The following SMARCD2 variants were observed in gnomAD, a reference collection of about 807,000 sequenced individuals.
The protein encoded by SMARCD2 is SWI/SNF-related matrix-associated actin-dependent regulator of chromatin subfamily D member 2.
A neutral mutation model predicts 70.4 loss-of-function variants in SMARCD2; 39 were observed. That is an observed-to-expected ratio of 0.55 (90% CI 0.43 to 0.72). SMARCD2 has a LOEUF of 0.72. Ranked by LOEUF, SMARCD2 falls within the 30% of genes least tolerant of loss-of-function variation. The probability of loss-of-function intolerance (pLI) is 0.00; values close to 1 mark genes in which losing one functional copy is unlikely to be tolerated. For missense variants in SMARCD2, 540 were observed against 713.4 expected (o/e 0.76, Z 2.77); for synonymous variants, 249 against 279.4 (o/e 0.89, Z 1.08).
Position 63,836,870 on chromosome 17 carries a change from G to C in SMARCD2, c.567+52C>G. On this transcript the variant is annotated intron_variant, in intron 4 of 12. Coordinates refer to ENST00000448276, the MANE Select transcript of SMARCD2 (RefSeq NM_001098426.2). ...TGCTTGGCCCCTGGAAAACAAGGGG[G>C]TGGAAGGCAAGGAAACCTGGGAAGG... The C allele has an allele frequency of 1.9e-6, 3 of 1,580,550 alleles. 1 individual carries two copies. The South Asian group carries it at 3.4e-5, about 18-fold the overall frequency.
Position 63,842,461 on chromosome 17 carries a change from G to A in SMARCD2, c.214C>T (p.Gln72Ter). The A allele has an allele frequency of 7.7e-7, 1 of 1,292,344 alleles. No homozygotes were observed. Among genetic ancestry groups the A allele is most frequent in the Non-Finnish European group, 9.8e-7 (1 of 1,022,234 alleles). The allele number at this position is 1,292,344 out of a possible 1,614,324, so 80.1% of individuals were successfully genotyped here. The change falls in exon 1 of 13, where the codon CAG becomes TAG. Residue 72 changes from glutamine (Q) to a stop codon, truncating the protein, a stop_gained and splice_region_variant. Transcript: ENST00000448276. LOFTEE classifies it high-confidence loss of function. ...CCGCTCGCGTCCTCCTTGCTCACCT[G>A]GTACTGCGCCGCGGGGCCCGCGGGG... ...MGPAGPAAQY[Q>*]RPGMSPGNRM...
chr17:63,837,682 C>T lies in SMARCD2; in HGVS notation c.217-57G>A, dbSNP rs2040284167. The T allele has an allele frequency of 1.4e-6, 2 of 1,434,608 alleles. No individual in the cohort carries two copies. Among genetic ancestry groups the T allele is most frequent in the South Asian group, 2.5e-5 (2 of 80,514 alleles). 88.9% of individuals were successfully genotyped at this position (1,434,608 alleles called of 1,614,324 possible). On this transcript the variant is annotated intron_variant, in intron 1 of 12. Coordinates refer to ENST00000448276, the MANE Select transcript of SMARCD2 (RefSeq NM_001098426.2). The surrounding 1 kb of genome is among the most constrained non-coding windows in gnomAD (Gnocchi z 6.4). ...GTCAGGGGCAAGGCCCTCCGGGACC[C>T]ATAGCCCATGCCCTCCATCCCTCTC...
Sources: gnomAD v4.1 joint callset for allele counts on GRCh38, gnomAD v4.1.1 for gene constraint, Gnocchi (gnomAD v3.1) non-coding constraint, MANE v1.5 for transcripts, NCBI Gene and HGNC (gene_info 2026-07-23, HGNC 2026-07-21) for gene names.